The following SSBP3 variants were observed in gnomAD, a reference collection of about 807,000 sequenced individuals.
SSBP3 encodes the protein single-stranded DNA-binding protein 3.
A neutral mutation model predicts 69.6 loss-of-function variants in SSBP3; 5 were observed. That is an observed-to-expected ratio of 0.07 (90% CI 0.04 to 0.15). The LOEUF is 0.15. SSBP3 is among the 10% of genes least tolerant of loss of function. SSBP3 has a pLI of 1.00. For missense variants in SSBP3, 312 were observed against 534.0 expected, an observed-to-expected ratio of 0.58 and a Z score of 4.10; for synonymous variants, 196 against 193.4, an observed-to-expected ratio of 1.01 and a Z score of -0.11.
intron 4 of SSBP3, among the ~76,000 whole-genome samples, chr1:54,331,177 A>G (rs1646403797): frequency 6.6e-6 from 1 of 152,206 alleles, no homozygotes; most frequent in Non-Finnish European, 1.5e-5. Context: ...AAAGAAGCAC[A>G]GGTATATGCC....
chr1:54,367,345 C>T (rs768032969), intron 4 of SSBP3, among the ~76,000 whole-genome samples: 13 of 152,186 alleles, frequency 8.5e-5, no homozygotes, highest in Non-Finnish European at 1.5e-4. Flanking sequence ...AACCTTCTTG[C>T]GAACAAGGTC....
intron 4 of SSBP3, among the ~76,000 whole-genome samples, chr1:54,327,299 C>A (rs1284676126): frequency 9.3e-5 from 14 of 151,112 alleles, no homozygotes; most frequent in Non-Finnish European, 1.9e-4. Flanking sequence ...CAACAAAAAA[C>A]CCCCCAAAAA....
At chr1:54,413,011 GC>G (rs1287336954) in intron 1 of SSBP3, 3 of 152,170 alleles carry the variant, frequency 2.0e-5, no homozygotes, top group African/African-American at 7.2e-5. Flanking sequence ...ACCGCGCCTG[GC>G]CTGCAATTTT....
rs76564481 is a variant in SSBP3 at position 54,399,211 on chromosome 1, G to A, written c.276+2650C>T. On this transcript the variant is annotated intron_variant, in intron 4 of 17. Transcript: ENST00000610401. The stretch of plus-strand genomic sequence containing the variant: ...CCATGGAAAAAATTAATAGGCTGTC[G>A]CCCGAAAGACAACCCTAAGTGAGAA... Among the ~76,000 whole-genome samples the A allele has an allele frequency of 9.1e-3, 1,386 of 152,308 alleles. 10 individuals are homozygous for A. Among genetic ancestry groups the A allele is most frequent in the Non-Finnish European group, 0.015 (1,049 of 68,016 alleles).
intron 14 of SSBP3, among the ~76,000 whole-genome samples, chr1:54,233,109 G>C (rs1271256092): frequency 6.6e-6 from 1 of 150,840 alleles, no homozygotes; most frequent in African/African-American, 2.5e-5. Context: ...GTCTCCGCCC[G>C]GCCGCCATCC....
intron 5 of SSBP3, among the ~76,000 whole-genome samples, chr1:54,275,989 T>C (rs142047957): frequency 3.5e-4 from 54 of 152,286 alleles, no homozygotes; most frequent in African/African-American, 1.2e-3. Flanking sequence ...ACACACATTG[T>C]TTGCTCTTTC....
In SSBP3 at chr1:54,367,187, A is replaced by G. The variant is rs566057877; in HGVS notation, c.276+34674T>C. On this transcript the variant is annotated intron_variant, in intron 4 of 17. Transcript: ENST00000610401. ...CCTCCATAAGCCAGTTCTTTTCCAA[A>G]ATGATCTACTTGGGCAAAAGATAGG... Among the ~76,000 whole-genome samples the G allele has an allele frequency of 5.9e-5, 9 of 152,302 alleles. No individual in the cohort carries two copies. The South Asian group carries it at 1.9e-3, about 32-fold the overall frequency.
Position 54,243,979 on chromosome 1 carries a change from G to C in SSBP3, c.652-680C>G, listed in dbSNP as rs534598780. Among the ~76,000 whole-genome samples, 343 of 152,272 alleles carry C rather than the reference G, an allele frequency of 2.3e-3. 1 individual carries two copies. Among genetic ancestry groups the C allele is most frequent in the Middle Eastern group, 3.4e-3 (1 of 294 alleles). ...GCGTCTTGCTCTGTTGCCTAGGCTA[G>C]AGTGCAGTAGTGCAATCATAACTCA... On this transcript the variant is annotated intron_variant, in intron 9 of 17. Transcript: ENST00000610401.
intron 4 of SSBP3, among the ~76,000 whole-genome samples, chr1:54,289,020 CA>C (rs777871964): frequency 5.2e-3 from 229 of 43,916 alleles, no homozygotes; most frequent in African/African-American, 0.01. Flanking sequence ...ACTCTGTCTC[CA>C]AAAAAAAAAA....
rs549782005 is a variant in SSBP3, at chr1:54,263,781, A to T, written c.367-5632T>A. Among the ~76,000 whole-genome samples, 417 of 152,280 alleles carry T rather than the reference A, an allele frequency of 2.7e-3. 2 individuals carry two copies. Among genetic ancestry groups the T allele is most frequent in the African/African-American group, 9.7e-3 (403 of 41,556 alleles). On this transcript the variant is annotated intron_variant, in intron 5 of 17. Coordinates refer to ENST00000610401, the Ensembl canonical transcript of SSBP3. ...GTACCTTGGGGCAGGGCCCAAACAG[A>T]GCAGCAGGGCTGAGGCAGCAGGCGA...
chr1:54,406,036 T>TCGCTGC (rs1553151689), exon 1 of SSBP3: 103 of 1,329,538 alleles, frequency 7.7e-5, no homozygotes, highest in Non-Finnish European at 9.1e-5. Flanking sequence ...GCGCCGAGCC[T>TCGCTGC]CGCCGCCGCC....
At chr1:54,297,048 T>G (rs2183162) in intron 4 of SSBP3, among the ~76,000 whole-genome samples, 93,814 of 152,036 alleles carry the variant, frequency 0.62, 29,230 homozygotes, top group East Asian at 0.84. Flanking sequence ...AACAGTTAAG[T>G]GTCTTGCACA....
intron 4 of SSBP3, among the ~76,000 whole-genome samples, chr1:54,366,589 A>G (rs529417348): frequency 1.7e-4 from 26 of 152,222 alleles, no homozygotes; most frequent in Non-Finnish European, 3.4e-4. Context: ...ACACAGAAAA[A>G]GGTCTAGAAG....
At chr1:54,231,471 G>C (rs1244890486) in intron 14 of SSBP3, among the ~76,000 whole-genome samples, 3 of 152,142 alleles carry the variant, frequency 2.0e-5, no homozygotes, top group Non-Finnish European at 4.4e-5. Flanking sequence ...TCTGTGGTTT[G>C]TCTTTTTACT....
At chr1:54,316,162 C>A (rs1357279680) in intron 4 of SSBP3, among the ~76,000 whole-genome samples, 1 of 145,436 alleles carries the variant, frequency 6.9e-6, no homozygotes, top group Non-Finnish European at 1.5e-5. Context: ...GGCTAGCACA[C>A]AGTGAAACCC....
chr1:54,250,495 G>A lies in SSBP3; in HGVS notation c.651+1121C>T, dbSNP rs370582793. ...ATGGAGCAGAGGGCTGTGGTTCTGT[G>A]GGGCAGACGCCTCTCCCTACAAAAG... On this transcript the variant is annotated intron_variant, in intron 9 of 17. Transcript: ENST00000610401. Among the ~76,000 whole-genome samples, 7 of 151,960 alleles carry A rather than the reference G, an allele frequency of 4.6e-5. No individual in the cohort carries two copies. In the South Asian group the frequency reaches 1.5e-3, roughly 32 times the overall value.
chr1:54,244,095 A>C (rs1266872108), intron 9 of SSBP3, among the ~76,000 whole-genome samples: 1 of 151,610 alleles, frequency 6.6e-6, no homozygotes, highest in Non-Finnish European at 1.5e-5. Flanking sequence ...ATGCCCAACT[A>C]ATTTTCGATG....
chr1:54,239,640 G>C (rs1019011987), intron 13 of SSBP3, among the ~76,000 whole-genome samples: 10 of 152,236 alleles, frequency 6.6e-5, no homozygotes, highest in Non-Finnish European at 1.5e-4. Context: ...GATGGGGCAG[G>C]AGGGAGAGGC....
exon 18 of SSBP3, chr1:54,226,945 C>T: frequency 1.6e-6 from 1 of 609,058 alleles, no homozygotes; most frequent in Non-Finnish European, 3.0e-6. Flanking sequence ...AAAAGTTTGG[C>T]CTTTTTATTG....
Sources: allele counts gnomAD v4.1 joint callset (sites outside exome capture counted in the v4.1 genomes callset), GRCh38; gene constraint gnomAD v4.1.1; transcripts MANE v1.5; gene names NCBI Gene and HGNC (gene_info 2026-07-23, HGNC 2026-07-21).